TMEM132C: variants seen among roughly 807,000 people sequenced by gnomAD.
TMEM132C encodes transmembrane protein 132C.
TMEM132C carries 29 observed loss-of-function variants against 61.4 expected under a neutral mutation model. The ratio of observed to expected loss-of-function variants is 0.47; its 90% CI spans 0.35 to 0.64. The LOEUF (loss-of-function observed/expected upper bound fraction) is 0.64. Among genes scored for constraint, TMEM132C ranks in the 30% least tolerant of loss-of-function variants. The probability of loss-of-function intolerance (pLI) is 0.00; values close to 1 mark genes in which losing one functional copy is unlikely to be tolerated. For synonymous variants in TMEM132C, 656 were observed against 633.1 expected, an observed-to-expected ratio of 1.04 and a Z score of -0.54; for missense variants, 1,408 against 1,476.9, an observed-to-expected ratio of 0.95 and a Z score of 0.76.
intron 1 of TMEM132C, among the ~76,000 whole-genome samples, chr12:128,338,776 AT>A (rs71069558): frequency 7.2e-6 from 1 of 138,314 alleles, no homozygotes. Flanking sequence ...ATATATATAT[AT>A]TTTGCACAAA....
intron 2 of TMEM132C, among the ~76,000 whole-genome samples, chr12:128,430,447 C>G (rs766727589): frequency 6.6e-6 from 1 of 152,166 alleles, no homozygotes; most frequent in Admixed American, 6.5e-5. Flanking sequence ...TAACTGGAAC[C>G]ATTTCTTGTA....
At position 128,693,906 on chromosome 12, in the gene TMEM132C, A is replaced by G. The variant is rs747758461; in HGVS notation, c.1527A>G (p.Thr509=). 2 of 1,551,758 alleles carry G rather than the reference A, an allele frequency of 1.3e-6. No individual in the cohort carries two copies. The highest frequency in any genetic ancestry group is 1.2e-5 in the South Asian group (1 of 84,070). Residue 509 remains threonine (T), a synonymous_variant, in exon 6 of 9, where the codon ACA becomes ACG. Coordinates refer to ENST00000435159, the MANE Select transcript of TMEM132C (RefSeq NM_001136103.3). ...KGKMDAVVNF[T]YQYLSAPLCV... ...AGATGGATGCGGTGGTGAACTTCAC[A>G]TACCAGTACCTGAGCGCCCCCCTGT...
chr12:128,686,078 C>CATGCGTGTGTGT (rs376733187), intron 5 of TMEM132C, among the ~76,000 whole-genome samples: 1,572 of 62,296 alleles, frequency 0.025, 35 homozygotes, highest in African/African-American at 0.059. Flanking sequence ...TGCGTGTGTG[C>CATGCGTGTGTGT]GCATGTGTGT....
intron 1 of TMEM132C, among the ~76,000 whole-genome samples, chr12:128,385,526 C>T (rs768191330): frequency 2.6e-5 from 4 of 152,214 alleles, no homozygotes; most frequent in Non-Finnish European, 5.9e-5. Context: ...AAAATGTTTC[C>T]GTTTTCAACT....
intron 3 of TMEM132C, among the ~76,000 whole-genome samples, chr12:128,585,976 G>A (rs1375500904): frequency 1.3e-5 from 2 of 152,168 alleles, no homozygotes; most frequent in Admixed American, 6.5e-5. Flanking sequence ...TGGTGGTGAC[G>A]GCTGCACAAC....
At chr12:128,690,544 C>T (rs1399770070) in intron 5 of TMEM132C, among the ~76,000 whole-genome samples, 1 of 152,032 alleles carries the variant, frequency 6.6e-6, no homozygotes, top group Non-Finnish European at 1.5e-5. Flanking sequence ...CACCAGAGCT[C>T]AGAAAGGTAA....
chr12:128,521,931 T>C (rs1593084680), intron 2 of TMEM132C, among the ~76,000 whole-genome samples: 1 of 152,118 alleles, frequency 6.6e-6, no homozygotes, highest in Admixed American at 6.6e-5. Context: ...GCCAGGGAGG[T>C]AAAGATTACT....
chr12:128,640,541 G>C (rs1311726506), intron 4 of TMEM132C, among the ~76,000 whole-genome samples: 2 of 152,146 alleles, frequency 1.3e-5, no homozygotes, highest in African/African-American at 4.8e-5. Context: ...ATGTTCTGAA[G>C]TTGATTGTAG....
At chr12:128,307,571 AC>A (rs1283210389) in intron 1 of TMEM132C, among the ~76,000 whole-genome samples, 1 of 152,238 alleles carries the variant, frequency 6.6e-6, no homozygotes, top group African/African-American at 2.4e-5. Flanking sequence ...ATCTCTTGTG[AC>A]CCAAATGTAT....
chr12:128,632,530 A>C (rs1194992579), intron 4 of TMEM132C, among the ~76,000 whole-genome samples: 1 of 152,176 alleles, frequency 6.6e-6, no homozygotes, highest in Non-Finnish European at 1.5e-5. Context: ...TTCTGTGCTG[A>C]CACACCTGGT....
At chr12:128,582,516 A>C (rs1875379298) in intron 3 of TMEM132C, among the ~76,000 whole-genome samples, 1 of 150,664 alleles carries the variant, frequency 6.6e-6, no homozygotes, top group Admixed American at 6.6e-5. Context: ...GTGCTCCCAT[A>C]ATTCCCATGT....
chr12:128,678,238 A>G (rs1330060865), intron 5 of TMEM132C, among the ~76,000 whole-genome samples: 1 of 152,192 alleles, frequency 6.6e-6, no homozygotes, highest in Non-Finnish European at 1.5e-5. Context: ...TGGTTCTCAG[A>G]TGAAAGAAAA....
rs140888304 is a variant in TMEM132C, at chr12:128,326,112, A to G, written c.85+58625A>G. Among the ~76,000 whole-genome samples, 42 of 152,212 alleles carry G rather than the reference A, an allele frequency of 2.8e-4. 1 individual carries two copies. In the East Asian group the frequency reaches 8.1e-3, roughly 29 times the overall value. Reference sequence around the variant, plus strand: ...TGCATTCATGTTTCTTCAAAGATAAATATCACTTCTGTCAGGTGAATAAAT... The same window carrying G: ...TGCATTCATGTTTCTTCAAAGATAAGTATCACTTCTGTCAGGTGAATAAAT... On this transcript the variant is annotated intron_variant, in intron 1 of 8. Transcript: ENST00000435159. This position sits in a 1 kb window ranked among gnomAD's most constrained non-coding sequence, Gnocchi z 5.6.
chr12:128,277,221 A>G (rs1364472035), intron 1 of TMEM132C, among the ~76,000 whole-genome samples: 1 of 152,228 alleles, frequency 6.6e-6, no homozygotes, highest in Non-Finnish European at 1.5e-5. Context: ...AAAGAAGGAA[A>G]AAAATAATTT....
chr12:128,369,296 C>T (rs1295603004), intron 1 of TMEM132C, among the ~76,000 whole-genome samples: 2 of 152,218 alleles, frequency 1.3e-5, no homozygotes, highest in Non-Finnish European at 2.9e-5. Context: ...GCATTAAACT[C>T]AATACAATGT....
At chr12:128,618,673 G>A (rs1016302586) in intron 4 of TMEM132C, among the ~76,000 whole-genome samples, 2 of 152,114 alleles carry the variant, frequency 1.3e-5, no homozygotes, top group African/African-American at 2.4e-5. Flanking sequence ...CTTTTATAAG[G>A]GGTTTCGCCT....
intron 1 of TMEM132C, among the ~76,000 whole-genome samples, chr12:128,330,639 G>C (rs1470946154): frequency 6.6e-6 from 1 of 152,138 alleles, no homozygotes; most frequent in Non-Finnish European, 1.5e-5. Flanking sequence ...TCTTCTGACT[G>C]CTCCATTTAG....
intron 1 of TMEM132C, among the ~76,000 whole-genome samples, chr12:128,292,918 G>C (rs1325138887): frequency 1.5e-5 from 2 of 136,320 alleles, no homozygotes; most frequent in Admixed American, 7.6e-5. Context: ...TCACATGGTA[G>C]GTCTGTGTTT....
rs563439191 is a variant in TMEM132C, at chr12:128,276,368, A to C, written c.85+8881A>C. Among the ~76,000 whole-genome samples the C allele has an allele frequency of 5.9e-5, 9 of 152,344 alleles. No individual in the cohort carries two copies. The South Asian group carries it at 1.5e-3, about 25-fold the overall frequency. On this transcript the variant is annotated intron_variant, in intron 1 of 8. Coordinates refer to ENST00000435159, the MANE Select transcript of TMEM132C (RefSeq NM_001136103.3). ...GCAAAGAAAACAGAACTGTGCATTCAACAATATCGGGGAATAGGAAAACTG... is the reference window on the plus strand; with the variant it reads ...GCAAAGAAAACAGAACTGTGCATTCCACAATATCGGGGAATAGGAAAACTG...
Sources: gnomAD v4.1 joint callset for allele counts (sites outside exome capture counted in the v4.1 genomes callset) on GRCh38, gnomAD v4.1.1 for gene constraint, Gnocchi (gnomAD v3.1) non-coding constraint, MANE v1.5 for transcripts, NCBI Gene and HGNC (gene_info 2026-07-23, HGNC 2026-07-21) for gene names.